Variants in EML6 observed in about 807,000 individuals in gnomAD.
The protein encoded by EML6 is echinoderm microtubule-associated protein-like 6.
In EML6, 154 loss-of-function variants were observed where a neutral mutation model predicts 240.1. That is an observed-to-expected ratio of 0.64 (90% confidence interval 0.56 to 0.73). EML6 has a LOEUF of 0.73. Ranked by LOEUF, EML6 falls within the 30% of genes least tolerant of loss-of-function variation. The pLI, the probability that EML6 is intolerant of heterozygous loss-of-function variation, is 0.00. For missense variants in EML6, 2,964 were observed against 2,474.6 expected (o/e 1.20, Z -4.20); for synonymous variants, 1,148 against 899.0 (o/e 1.28, Z -4.95).
At chr2:54,946,833 T>C (rs911344908) in intron 28 of EML6, among the ~76,000 whole-genome samples, 12 of 151,704 alleles carry the variant, frequency 7.9e-5, no homozygotes, top group Admixed American at 7.9e-4. Context: ...CATCTTCAGT[T>C]TTGAAGCAAT....
chr2:54,906,981 A>T (rs1478884692), intron 24 of EML6, among the ~76,000 whole-genome samples: 1 of 152,070 alleles, frequency 6.6e-6, no homozygotes, highest in Non-Finnish European at 1.5e-5. Flanking sequence ...AGGGTGGGGG[A>T]TGGCACAGCC....
intron 2 of EML6, among the ~76,000 whole-genome samples, chr2:54,772,607 C>A (rs772257113): frequency 1.3e-4 from 20 of 152,156 alleles, no homozygotes; most frequent in Admixed American, 7.2e-4. Flanking sequence ...CTACCATGTG[C>A]TGTGTGTGTA....
chr2:54,797,179 A>AC (rs1669852118), intron 2 of EML6, among the ~76,000 whole-genome samples: 1 of 146,906 alleles, frequency 6.8e-6, no homozygotes, highest in African/African-American at 2.5e-5. Context: ...AAAAAAAAAA[A>AC]AAAAAAAAAA....
chr2:54,871,695 G>A (rs1671268501), intron 16 of EML6, 90 bp downstream of exon 16: 5 of 916,162 alleles, frequency 5.5e-6, no homozygotes, highest in Non-Finnish European at 8.7e-6. Context: ...GCACGCGTGT[G>A]TGTGTATTTA....
chr2:54,792,158 CTT>C (rs750879492), intron 2 of EML6, among the ~76,000 whole-genome samples: 63 of 152,256 alleles, frequency 4.1e-4, no homozygotes, highest in Non-Finnish European at 7.2e-4. Context: ...AAACATTCAT[CTT>C]AAAGCCATAT....
At chr2:54,884,365 C>G (rs1490390184) in intron 17 of EML6, among the ~76,000 whole-genome samples, 2 of 152,160 alleles carry the variant, frequency 1.3e-5, no homozygotes, top group Non-Finnish European at 2.9e-5. Flanking sequence ...AAACCCTGTG[C>G]TTTGGAGTTT....
intron 28 of EML6, among the ~76,000 whole-genome samples, chr2:54,931,111 C>T (rs976580675): frequency 1.3e-5 from 2 of 152,228 alleles, no homozygotes; most frequent in South Asian, 4.1e-4. Context: ...GCGCCCGCCA[C>T]CATGCCCGGC....
At chr2:54,862,228 A>G (rs1351074066) in intron 12 of EML6, among the ~76,000 whole-genome samples, 1 of 151,004 alleles carries the variant, frequency 6.6e-6, no homozygotes, top group African/African-American at 2.4e-5. Flanking sequence ...AATCCCAGCT[A>G]CAGGGGAGGC....
At chr2:54,838,448 A>G (rs1441117991) in intron 7 of EML6, among the ~76,000 whole-genome samples, 2 of 152,240 alleles carry the variant, frequency 1.3e-5, no homozygotes, top group Non-Finnish European at 2.9e-5. Context: ...ATACCTTACC[A>G]TGTCACACAG....
At chr2:54,878,259 C>T (rs1241803881) in intron 16 of EML6, among the ~76,000 whole-genome samples, 1 of 152,184 alleles carries the variant, frequency 6.6e-6, no homozygotes, top group Non-Finnish European at 1.5e-5. Flanking sequence ...CGGTTGGGAC[C>T]TCCGAGTGGA....
Position 54,790,724 on chromosome 2 carries a change from C to CTT in EML6, c.198-22490_198-22489dup, listed in dbSNP as rs368684488. 6.1e-3 allele frequency among the ~76,000 whole-genome samples: 754 copies of CTT among 123,246 alleles called. 12 individuals are homozygous for CTT. Among genetic ancestry groups the CTT allele is most frequent in the East Asian group, 0.012 (50 of 4,244 alleles). 80.9% of individuals were successfully genotyped at this position (123,246 alleles called of 152,430 possible). A position where few individuals can be genotyped will look rare whatever the true frequency, so the allele number is the denominator to read the frequency against. On this transcript the variant is annotated intron_variant, in intron 2 of 41. Coordinates refer to ENST00000356458, the MANE Select transcript of EML6 (RefSeq NM_001039753.4). ...AGAGGACATTGGTAACTTAATTTTCCTTTTTTTTTTTTTTTTTTTGAGACG... is the reference window on the plus strand; with the variant it reads ...AGAGGACATTGGTAACTTAATTTTCCTTTTTTTTTTTTTTTTTTTTTGAGACG...
chr2:54,901,730 A>C (rs941195391), intron 22 of EML6, among the ~76,000 whole-genome samples: 1 of 152,222 alleles, frequency 6.6e-6, no homozygotes, highest in African/African-American at 2.4e-5. Flanking sequence ...AGCTTTCAGC[A>C]TACCATGAAC....
At chr2:54,917,018 T>C (rs1673952829) in intron 26 of EML6, 83 bp downstream of exon 26, 1 of 1,112,428 alleles carries the variant, frequency 9.0e-7, no homozygotes, top group Non-Finnish European at 1.3e-6. Flanking sequence ...TTTTAAAAAT[T>C]TGAAGTCATA....
At chr2:54,752,268 T>C (rs1378260548) in intron 2 of EML6, among the ~76,000 whole-genome samples, 1 of 152,230 alleles carries the variant, frequency 6.6e-6, no homozygotes, top group African/African-American at 2.4e-5. Context: ...TATTCATAGT[T>C]GAACCCCAAA....
At chr2:54,936,402 C>G (rs533522086) in intron 28 of EML6, among the ~76,000 whole-genome samples, 2 of 152,228 alleles carry the variant, frequency 1.3e-5, no homozygotes, top group African/African-American at 2.4e-5. Context: ...GGTGGATGTC[C>G]TCATTTCTTC....
At chr2:54,748,521 T>G (rs1467771295) in intron 2 of EML6, 3 of 152,184 alleles carry the variant, frequency 2.0e-5, no homozygotes, top group African/African-American at 7.2e-5. Context: ...GAGGCCAGTG[T>G]TTACATACAT....
At chr2:54,784,260 A>T (rs1234140178) in intron 2 of EML6, among the ~76,000 whole-genome samples, 1 of 152,108 alleles carries the variant, frequency 6.6e-6, no homozygotes, top group Non-Finnish European at 1.5e-5. Flanking sequence ...CTGTTCTTTA[A>T]TGTTAGATCT....
chr2:54,948,137 C>T (rs1237404343), intron 28 of EML6, among the ~76,000 whole-genome samples: 1 of 152,238 alleles, frequency 6.6e-6, no homozygotes, highest in Non-Finnish European at 1.5e-5. Context: ...AACCCCACGT[C>T]ACCAAGAACT....
chr2:54,737,362 G>A (rs12621943), intron 2 of EML6, among the ~76,000 whole-genome samples: 2 of 152,000 alleles, frequency 1.3e-5, no homozygotes, highest in Non-Finnish European at 2.9e-5. Context: ...GCAGTGGCGC[G>A]ATCTCGGCTC....
Sources: gnomAD v4.1 joint callset for allele counts (sites outside exome capture counted in the v4.1 genomes callset) on GRCh38, gnomAD v4.1.1 for gene constraint, MANE v1.5 for transcripts, NCBI Gene and HGNC (gene_info 2026-07-23, HGNC 2026-07-21) for gene names.